Variants in P2RY8 observed in about 807,000 individuals in gnomAD.
P2RY8 encodes the protein P2Y receptor family member 8.
In P2RY8, 6 loss-of-function variants were observed where a neutral mutation model predicts 10.0. The observed-to-expected ratio is 0.60, with a 90% CI of 0.33 to 1.19. P2RY8 has a LOEUF of 1.19. Among genes scored for constraint, P2RY8 ranks in the 50% most tolerant of loss-of-function variants. The pLI, the probability that P2RY8 is intolerant of heterozygous loss-of-function variation, is 0.04. For missense variants in P2RY8, 456 were observed against 542.0 expected (o/e 0.84, Z 1.58); for synonymous variants, 276 against 252.5 (o/e 1.09, Z -0.88).
intron 1 of P2RY8, among the ~76,000 whole-genome samples, chrX:1,471,047 G>A (rs1394000133): frequency 1.3e-5 from 2 of 151,318 alleles, no homozygotes; most frequent in Non-Finnish European, 3.0e-5. Context: ...CGCTCTTTTT[G>A]CCCAGGCTGG....
At chrX:1,514,518 C>T (rs1228433434) in intron 1 of P2RY8, among the ~76,000 whole-genome samples, 1 of 11,548 alleles carries the variant, frequency 8.7e-5, no homozygotes. Flanking sequence ...CTTCCCTTTC[C>T]TCCCCTCCCT....
Position 1,466,417 on chromosome X carries a change from G to T in P2RY8, c.142C>A (p.Leu48Met), listed in dbSNP as rs371336045. The change falls in exon 2 of 2, where the codon CTG becomes ATG. Residue 48 changes from leucine (L) to methionine (M), a missense_variant. Physicochemically the swap from Leu to Met is conservative, Grantham distance 15 (BLOSUM62 2). Transcript: ENST00000381297. The part of the protein sequence containing the change: ...IPGNLFSLWV[L>M]CRRMGPRSPS... ...GATCTGGGCCCCATGCGCCGGCACA[G>T]CACCCACAGAGAGAAGAGGTTGCCC... 27 of 1,613,230 alleles carry T rather than the reference G, an allele frequency of 1.7e-5. No individual in the cohort carries two copies. The highest frequency in any genetic ancestry group is 2.0e-5 in the Non-Finnish European group (24 of 1,179,862).
intron 1 of P2RY8, among the ~76,000 whole-genome samples, chrX:1,468,613 C>T (rs1267946405): frequency 6.6e-6 from 1 of 152,036 alleles, no homozygotes; most frequent in Non-Finnish European, 1.5e-5. Context: ...AACGGTTGTT[C>T]TTGGCGGTGT....
At chrX:1,475,557 C>T (rs1244300620) in intron 1 of P2RY8, among the ~76,000 whole-genome samples, 4 of 150,894 alleles carry the variant, frequency 2.7e-5, no homozygotes, top group Non-Finnish European at 5.9e-5. Flanking sequence ...ACCAATACAC[C>T]GAGAAAAGAG....
At chrX:1,527,830 A>G (rs1423640770) in intron 1 of P2RY8, among the ~76,000 whole-genome samples, 1 of 152,148 alleles carries the variant, frequency 6.6e-6, no homozygotes, top group African/African-American at 2.4e-5. Context: ...TCATTTATTC[A>G]TTCACCCATC....
chrX:1,536,789 G>A (rs780621520), intron 1 of P2RY8, 132 bp downstream of exon 1: 52 of 192,532 alleles, frequency 2.7e-4, no homozygotes, highest in African/African-American at 1.1e-3. Flanking sequence ...CTGCTCTAGC[G>A]TGAGGAGAAC....
chrX:1,487,034 C>T (rs1450850450), intron 1 of P2RY8, among the ~76,000 whole-genome samples: 3 of 152,230 alleles, frequency 2.0e-5, no homozygotes, highest in African/African-American at 7.2e-5. Context: ...CCTCATCCCT[C>T]AGGTCCCTAC....
At chrX:1,501,906 A>G (rs1430362085) in intron 1 of P2RY8, among the ~76,000 whole-genome samples, 3 of 142,040 alleles carry the variant, frequency 2.1e-5, no homozygotes, top group Non-Finnish European at 4.6e-5. Flanking sequence ...TTTCATTTTT[A>G]TTGATTATTA....
Position 1,471,308 on chromosome X carries a change from C to CTTTTTTTTTTTTTTTTTTTTTT in P2RY8, c.-24-4727_-24-4726insAAAAAAAAAAAAAAAAAAAAAA, listed in dbSNP as rs1569536548. On this transcript the variant is annotated intron_variant, in intron 1 of 1. Transcript: ENST00000381297. ...CAGACGTGAGCCACCGCGCCCAGCC[C>CTTTTTTTTTTTTTTTTTTTTTT]ATTTTTTTTTTTTTTTTTTTTTTGT... is the stretch of plus-strand genomic sequence containing the variant. 2.8e-5 allele frequency among the ~76,000 whole-genome samples: 2 copies of CTTTTTTTTTTTTTTTTTTTTTT among 71,110 alleles called. 1 individual carries two copies. The highest frequency in any genetic ancestry group is 5.5e-5 in the Non-Finnish European group (2 of 36,670). 46.7% of individuals were successfully genotyped at this position (71,110 alleles called of 152,430 possible).
chrX:1,520,539 A>G (rs1296388144), intron 1 of P2RY8, among the ~76,000 whole-genome samples: 1 of 149,218 alleles, frequency 6.7e-6, no homozygotes, highest in Admixed American at 6.6e-5. Flanking sequence ...GATCCCCAAT[A>G]ATCTCTCTGA....
intron 1 of P2RY8, among the ~76,000 whole-genome samples, chrX:1,510,603 C>T (rs1212387551): frequency 5.3e-5 from 8 of 152,138 alleles, no homozygotes; most frequent in South Asian, 2.1e-4. Context: ...GACAGCCAGG[C>T]GCAGTGGCTC....
chrX:1,500,933 G>A (rs1314826484), intron 1 of P2RY8, among the ~76,000 whole-genome samples: 1 of 152,164 alleles, frequency 6.6e-6, no homozygotes, highest in Non-Finnish European at 1.5e-5. Context: ...AGAGGGAAAT[G>A]ACCCATTACA....
At chrX:1,531,651 T>G (rs1290462013) in intron 1 of P2RY8, among the ~76,000 whole-genome samples, 2 of 152,102 alleles carry the variant, frequency 1.3e-5, no homozygotes, top group African/African-American at 4.8e-5. Context: ...GACTCCTCCC[T>G]CCCATGGAGA....
rs2091622281 is a variant in P2RY8, at chrX:1,463,814, C to T, written c.*1665G>A. ...GTCTCTGCCTCTGTCTTTATGTGGCCTCCTGCTTTGTGTCTGTGTCTCCTC... is the reference window on the plus strand; with the variant it reads ...GTCTCTGCCTCTGTCTTTATGTGGCTTCCTGCTTTGTGTCTGTGTCTCCTC... On this transcript the variant is annotated 3_prime_UTR_variant, in exon 2 of 2. Coordinates refer to ENST00000381297, the MANE Select transcript of P2RY8 (RefSeq NM_178129.5). 4.3e-6 allele frequency: 1 copy of T among 233,160 alleles called. No homozygotes were observed. Among genetic ancestry groups the T allele is most frequent in the African/African-American group, 2.2e-5 (1 of 45,314 alleles). The allele number at this position is 233,160 out of a possible 1,614,324, so 14.4% of individuals were successfully genotyped here. A position where few individuals can be genotyped will look rare whatever the true frequency, so the allele number is the denominator to read the frequency against.
chrX:1,525,089 G>A (rs2092431268), intron 1 of P2RY8, among the ~76,000 whole-genome samples: 1 of 152,262 alleles, frequency 6.6e-6, no homozygotes, highest in African/African-American at 2.4e-5. Context: ...CAGCAGTGCA[G>A]AGGGTTTGAG....
intron 1 of P2RY8, among the ~76,000 whole-genome samples, chrX:1,534,185 T>G (rs1358556383): frequency 2.1e-5 from 3 of 139,836 alleles, no homozygotes; most frequent in South Asian, 2.1e-4. Flanking sequence ...ATTATATATT[T>G]ATATATATTT....
At chrX:1,496,767 G>A (rs1464633117) in intron 1 of P2RY8, among the ~76,000 whole-genome samples, 4 of 148,604 alleles carry the variant, frequency 2.7e-5, no homozygotes, top group African/African-American at 7.5e-5. Context: ...GCGCGATGTC[G>A]GCTCCCTGCA....
chrX:1,519,056 T>C (rs1431797753), intron 1 of P2RY8, among the ~76,000 whole-genome samples: 1 of 151,506 alleles, frequency 6.6e-6, no homozygotes, highest in African/African-American at 2.4e-5. Flanking sequence ...ATATTTCTGA[T>C]CCCCAATATT....
Position 1,489,049 on chromosome X carries a change from C to T in P2RY8, c.-24-22467G>A, listed in dbSNP as rs192641109. Among the ~76,000 whole-genome samples, 465 of 151,630 alleles carry T rather than the reference C, an allele frequency of 3.1e-3. 1 individual carries two copies. The highest frequency in any genetic ancestry group is 4.7e-3 in the Admixed American group (72 of 15,226). ...ATGTGGAGGGAAAGAATGAATGACA[C>T]CCAGAGATTCATTCCCACAAATGTG... is the stretch of plus-strand genomic sequence containing the variant. On this transcript the variant is annotated intron_variant, in intron 1 of 1. Transcript: ENST00000381297.
Sources: gnomAD v4.1 joint callset for allele counts (sites outside exome capture counted in the v4.1 genomes callset) on GRCh38, gnomAD v4.1.1 for gene constraint, MANE v1.5 for transcripts, NCBI Gene and HGNC (gene_info 2026-07-23, HGNC 2026-07-21) for gene names.